Variants in FAM184B observed in about 807,000 individuals in gnomAD.
The protein encoded by FAM184B is family with sequence similarity 184 member B.
Under a neutral mutation model 135.9 loss-of-function variants are expected in FAM184B, and 111 were observed. The ratio of observed to expected loss-of-function variants is 0.82; its 90% CI spans 0.70 to 0.96. The LOEUF (loss-of-function observed/expected upper bound fraction) is 0.96, where lower values mean the gene tolerates loss of function less well. Ranked by LOEUF, FAM184B falls within the 40% of genes least tolerant of loss-of-function variation. The probability of loss-of-function intolerance (pLI) is 0.00; values close to 1 mark genes in which losing one functional copy is unlikely to be tolerated. For synonymous variants in FAM184B, 552 were observed against 524.8 expected (o/e 1.05, Z -0.71); for missense variants, 1,375 against 1,323.9 (o/e 1.04, Z -0.60).
At chr4:17,761,007 T>C (rs1212989749) in intron 1 of FAM184B, among the ~76,000 whole-genome samples, 2 of 152,164 alleles carry the variant, frequency 1.3e-5, no homozygotes, top group East Asian at 3.8e-4. Flanking sequence ...CAGGGAGAAT[T>C]TGGCAATGTC....
chr4:17,763,836 G>A lies in FAM184B; in HGVS notation c.141+17323C>T, dbSNP rs561711136. ...GGAACAGCAGATGTTTGAGGGGCATGCTTTTTCAAGGGCAGACCACCCTGG... is the reference window on the plus strand; with the variant it reads ...GGAACAGCAGATGTTTGAGGGGCATACTTTTTCAAGGGCAGACCACCCTGG... On this transcript the variant is annotated intron_variant, in intron 1 of 17. Coordinates refer to ENST00000265018, the MANE Select transcript of FAM184B (RefSeq NM_015688.2). Among the ~76,000 whole-genome samples the A allele has an allele frequency of 1.1e-4, 17 of 152,146 alleles. 1 individual carries two copies. The highest frequency in any genetic ancestry group is 2.9e-5 in the Non-Finnish European group (2 of 68,028).
intron 4 of FAM184B, 119 bp downstream of exon 4, chr4:17,705,633 A>AGG: frequency 8.2e-7 from 1 of 1,217,006 alleles, no homozygotes; most frequent in Middle Eastern, 2.8e-4. Flanking sequence ...CAGGAACTAC[A>AGG]GGGTCTTCTG....
intron 5 of FAM184B, among the ~76,000 whole-genome samples, chr4:17,700,063 A>C (rs1288028073): frequency 6.6e-6 from 1 of 152,174 alleles, no homozygotes; most frequent in African/African-American, 2.4e-5. Flanking sequence ...AAGAGAGCAT[A>C]CCTAGTAAGT....
chr4:17,662,931 C>T (rs1715953285), intron 8 of FAM184B, among the ~76,000 whole-genome samples: 1 of 152,050 alleles, frequency 6.6e-6, no homozygotes, highest in Admixed American at 6.6e-5. Context: ...GAGCCACTCA[C>T]ATATTTTTGT....
chr4:17,707,717 A>C lies in FAM184B; in HGVS notation c.962T>G (p.Leu321Arg), dbSNP rs774054220. 1.9e-6 allele frequency: 3 copies of C among 1,551,656 alleles called. No homozygotes were observed. The African/African-American group carries it at 4.1e-5, about 21-fold the overall frequency. The change falls in exon 3 of 18, where the codon CTT becomes CGT. Residue 321 changes from leucine to arginine, a missense_variant. Physicochemically the swap from Leu to Arg is moderately radical, Grantham distance 102. Transcript: ENST00000265018. ...NSELKGTAKK[L>R]GEKLAVAKDR... is the part of the protein sequence containing the mutation. ...TTTGGCAACAGCCAGCTTCTCCCCA[A>C]GTTTTTTTGCAGTGCCTTTCAACTC...
chr4:17,647,186 G>A (rs73800323), intron 12 of FAM184B, among the ~76,000 whole-genome samples: 9,509 of 150,046 alleles, frequency 0.063, 1,060 homozygotes, highest in African/African-American at 0.22. Context: ...CCACAGGCCT[G>A]TGGAGAAGGG....
In FAM184B at chr4:17,655,125, C is replaced by T. The variant is rs374665980; in HGVS notation, c.2038-2142G>A. Among the ~76,000 whole-genome samples, 8 of 152,306 alleles carry T rather than the reference C, an allele frequency of 5.3e-5. No homozygotes were observed. In the East Asian group the frequency reaches 1.2e-3, roughly 22 times the overall value. Reference sequence around the variant, plus strand: ...CCTCCCAAAGTTCTGGGATTACAGGCGTGAGCCACCATGCCTGATTGCGAG... The same window carrying T: ...CCTCCCAAAGTTCTGGGATTACAGGTGTGAGCCACCATGCCTGATTGCGAG... On this transcript the variant is annotated intron_variant, in intron 10 of 17. Transcript: ENST00000265018.
chr4:17,675,928 A>T (rs1334434650), intron 7 of FAM184B, among the ~76,000 whole-genome samples: 1 of 152,196 alleles, frequency 6.6e-6, no homozygotes, highest in Non-Finnish European at 1.5e-5. Context: ...TTCTATCTAG[A>T]CAACTAAAAC....
At chr4:17,678,695 G>T (rs1345013762) in intron 7 of FAM184B, among the ~76,000 whole-genome samples, 2 of 151,916 alleles carry the variant, frequency 1.3e-5, no homozygotes, top group Admixed American at 6.6e-5. Context: ...AATTCATATG[G>T]TAAAAAAAGG....
chr4:17,764,366 A>C (rs1390475692), intron 1 of FAM184B, among the ~76,000 whole-genome samples: 2 of 152,128 alleles, frequency 1.3e-5, no homozygotes, highest in African/African-American at 4.8e-5. Context: ...TCCAAATTGC[A>C]CCTCTAATCT....
In FAM184B at chr4:17,709,584, C is replaced by G. The variant is rs1429117056; in HGVS notation, c.202G>C (p.Glu68Gln). Residue 68 changes from glutamate to glutamine, a missense_variant, in exon 2 of 18, where the codon GAA (glutamate) becomes CAA (glutamine). Glu to Gln is a conservative substitution (Grantham distance 29, BLOSUM62 2). Transcript: ENST00000265018. The part of the protein sequence containing the change: ...EAEASMEALR[E>Q]AHQEELQNAV... ...TTCTGGAGCTCCTCCTGGTGCGCTT[C>G]CCGCAGCGCCTCCATGCTGGCCTCA... 6.5e-7 allele frequency: 1 copy of G among 1,546,078 alleles called. No individual in the cohort carries two copies. The highest frequency in any genetic ancestry group is 8.7e-7 in the Non-Finnish European group (1 of 1,145,404).
chr4:17,644,321 A>T (rs1031270792), intron 12 of FAM184B, among the ~76,000 whole-genome samples: 9 of 152,214 alleles, frequency 5.9e-5, no homozygotes, highest in Admixed American at 5.2e-4. Flanking sequence ...ATGAACATTG[A>T]TGTAAAAATC....
At chr4:17,694,416 G>A (rs774748467) in intron 5 of FAM184B, among the ~76,000 whole-genome samples, 1 of 151,952 alleles carries the variant, frequency 6.6e-6, no homozygotes, top group African/African-American at 2.4e-5. Flanking sequence ...CCAGCTACTC[G>A]GGAGGCTGAG....
chr4:17,635,690 C>G (rs558901784), intron 15 of FAM184B, among the ~76,000 whole-genome samples: 1 of 149,330 alleles, frequency 6.7e-6, no homozygotes, highest in Admixed American at 6.6e-5. Context: ...AAAAAAAAAC[C>G]CATGATACCT....
intron 5 of FAM184B, among the ~76,000 whole-genome samples, chr4:17,704,607 T>C (rs1011897026): frequency 1.3e-5 from 2 of 152,232 alleles, no homozygotes; most frequent in Non-Finnish European, 2.9e-5. Context: ...AGTGTGGTGA[T>C]AGAGTGGGGA....
Position 17,633,777 on chromosome 4 carries a change from T to C in FAM184B, c.3001A>G (p.Ile1001Val), listed in dbSNP as rs202198134. ...GGGTCCAAGCTGGGTGATGTAGTTATTGGAGGGGCATTAATCCTGGAACTC... is the reference window on the plus strand; with the variant it reads ...GGGTCCAAGCTGGGTGATGTAGTTACTGGAGGGGCATTAATCCTGGAACTC... ...DLSSRINAPP[I>V]TTSPSLDPSP... is the part of the protein sequence containing the mutation. The change falls in exon 17 of 18, where the codon ATA becomes GTA. Residue 1001 changes from isoleucine (I) to valine (V), a missense_variant. By Grantham distance (29) the Ile-to-Val change is conservative. Transcript: ENST00000265018. 3,183 of 1,551,628 alleles carry C rather than the reference T, an allele frequency of 2.1e-3. 13 individuals carry two copies. The highest frequency in any genetic ancestry group is 2.5e-3 in the Non-Finnish European group (2,882 of 1,146,962).
chr4:17,698,620 C>G (rs557228226), intron 5 of FAM184B, among the ~76,000 whole-genome samples: 5 of 152,204 alleles, frequency 3.3e-5, no homozygotes, highest in African/African-American at 1.2e-4. Context: ...AACACTGATA[C>G]TAATCAATAC....
chr4:17,656,363 G>A (rs11737138), intron 10 of FAM184B, among the ~76,000 whole-genome samples: 79,568 of 152,052 alleles, frequency 0.52, 23,412 homozygotes, highest in East Asian at 0.88. Flanking sequence ...TACCTAGTAA[G>A]TGCCCGGCAG....
At chr4:17,714,882 A>C (rs1480178122) in intron 1 of FAM184B, among the ~76,000 whole-genome samples, 3 of 152,090 alleles carry the variant, frequency 2.0e-5, no homozygotes, top group Non-Finnish European at 4.4e-5. Flanking sequence ...TGGCAACCAA[A>C]GTCCCCAAAT....
Sources: gnomAD v4.1 joint callset for allele counts (sites outside exome capture counted in the v4.1 genomes callset) on GRCh38, gnomAD v4.1.1 for gene constraint, MANE v1.5 for transcripts, NCBI Gene and HGNC (gene_info 2026-07-23, HGNC 2026-07-21) for gene names.